Variants in UBE4B observed in about 807,000 individuals in gnomAD.
UBE4B encodes the protein ubiquitin conjugation factor E4 B.
In UBE4B, 27 loss-of-function variants were observed where a neutral mutation model predicts 148.1. The observed-to-expected ratio is 0.18, with a 90% CI of 0.13 to 0.25. UBE4B has a LOEUF of 0.25. Among genes scored for constraint, UBE4B ranks in the 10% least tolerant of loss-of-function variants. The pLI, the probability that UBE4B is intolerant of heterozygous loss-of-function variation, is 1.00. For synonymous variants in UBE4B, 596 were observed against 619.3 expected (o/e 0.96, Z 0.56); for missense variants, 1,170 against 1,662.4 (o/e 0.70, Z 5.15).
At chr1:10,143,060 A>T (rs916757783) in intron 17 of UBE4B, among the ~76,000 whole-genome samples, 1 of 152,134 alleles carries the variant, frequency 6.6e-6, no homozygotes, top group Non-Finnish European at 1.5e-5. Flanking sequence ...ATGAGCTGAG[A>T]TCGTGCCACT....
At chr1:10,046,754 G>A (rs543517800) in intron 1 of UBE4B, among the ~76,000 whole-genome samples, 1 of 152,308 alleles carries the variant, frequency 6.6e-6, no homozygotes, top group South Asian at 2.1e-4. Flanking sequence ...GGGCTAAACA[G>A]TTTCTCCAGC....
At chr1:10,179,254 G>T in intron 26 of UBE4B, 162 bp from the exon 27 acceptor site, 1 of 816,174 alleles carries the variant, frequency 1.2e-6, no homozygotes, top group East Asian at 2.7e-5. Flanking sequence ...CAATGTATAT[G>T]CCTTTATTGA....
chr1:10,045,112 C>T (rs940701721), intron 1 of UBE4B, among the ~76,000 whole-genome samples: 3 of 152,090 alleles, frequency 2.0e-5, no homozygotes, highest in Non-Finnish European at 4.4e-5. Flanking sequence ...TGCTCCCATT[C>T]GAATCTAATG....
chr1:10,064,401 G>A (rs1570808532), intron 1 of UBE4B, among the ~76,000 whole-genome samples: 1 of 152,216 alleles, frequency 6.6e-6, no homozygotes. Flanking sequence ...CCGAGGAATT[G>A]TAGTATTTCT....
intron 2 of UBE4B, among the ~76,000 whole-genome samples, chr1:10,092,445 G>A (rs994916831): frequency 7.3e-5 from 11 of 151,588 alleles, no homozygotes; most frequent in Admixed American, 2.6e-4. Flanking sequence ...GGCTGGTCTC[G>A]AACTCCTGAC....
chr1:10,059,460 CT>C, intron 1 of UBE4B: 1 of 214,042 alleles, frequency 4.7e-6, no homozygotes. Flanking sequence ...CTGGCAGCAG[CT>C]TTTCTGGCAC....
At chr1:10,134,058 A>AAAAAAAAG (rs1645637814) in intron 15 of UBE4B, among the ~76,000 whole-genome samples, 1 of 151,926 alleles carries the variant, frequency 6.6e-6, no homozygotes, top group East Asian at 1.9e-4. Context: ...TCAAAAAAAA[A>AAAAAAAAG]AAAGAAAGAA....
chr1:10,105,542 G>A lies in UBE4B; in HGVS notation c.607G>A (p.Gly203Ser), dbSNP rs1226031810. Residue 203 changes from glycine to serine, a missense_variant, in exon 6 of 28, where the codon GGC (glycine) becomes AGC (serine). Coordinates refer to ENST00000343090, the MANE Select transcript of UBE4B (RefSeq NM_001105562.3). ...EVFSDFKDLI[G>S]QILMEVLMMS... The stretch of plus-strand genomic sequence containing the variant: ...ATTCTCCGATTTTAAGGACTTGATT[G>A]GCCAGATTTTAATGGAAGTGCTAAT... 3.1e-6 allele frequency: 5 copies of A among 1,614,036 alleles called. No homozygotes were observed. Among genetic ancestry groups the A allele is most frequent in the East Asian group, 2.2e-5 (1 of 44,904 alleles).
chr1:10,125,961 G>T (rs140537505), intron 10 of UBE4B, among the ~76,000 whole-genome samples: 76 of 152,278 alleles, frequency 5.0e-4, no homozygotes, highest in African/African-American at 1.7e-3. Flanking sequence ...TTGTTGGCCT[G>T]TTTATCTTGT....
intron 2 of UBE4B, among the ~76,000 whole-genome samples, chr1:10,083,189 A>G (rs1238697377): frequency 6.6e-6 from 1 of 152,118 alleles, no homozygotes; most frequent in Non-Finnish European, 1.5e-5. Context: ...GTCAAATGGT[A>G]TTTCTGGTTC....
intron 16 of UBE4B, 55 bp from the exon 17 acceptor site, chr1:10,137,012 C>T (rs996657344): frequency 2.5e-6 from 4 of 1,581,112 alleles, no homozygotes; most frequent in African/African-American, 2.7e-5. Context: ...TCAGCTTTTT[C>T]TCTGATTGAG....
chr1:10,044,523 T>TCCTTCCTTCCTTAC (rs1553134698), intron 1 of UBE4B, among the ~76,000 whole-genome samples: 3 of 152,054 alleles, frequency 2.0e-5, no homozygotes, highest in African/African-American at 4.8e-5. Context: ...TTTGTTGTGC[T>TCCTTCCTTCCTTAC]CCTTCCTTCC....
rs72859587 is a variant in UBE4B at position 10,051,424 on chromosome 1, A to T, written c.24+17730A>T. On this transcript the variant is annotated intron_variant, in intron 1 of 27. Transcript: ENST00000343090. ...GAGTTTTAGTTGGTGTCCATATAAC[A>T]TCTAACAAATCTTTTGCATATAATA... 5.5e-3 allele frequency among the ~76,000 whole-genome samples: 842 copies of T among 152,304 alleles called. 8 individuals carry two copies. The highest frequency in any genetic ancestry group is 0.02 in the African/African-American group (815 of 41,546).
intron 25 of UBE4B, among the ~76,000 whole-genome samples, chr1:10,177,955 G>T (rs933902434): frequency 2.0e-5 from 3 of 151,966 alleles, no homozygotes; most frequent in Non-Finnish European, 4.4e-5. Flanking sequence ...GGTAGAGCCA[G>T]AATTCAAGTT....
chr1:10,129,727 T>G (rs543040850), intron 12 of UBE4B, among the ~76,000 whole-genome samples: 32 of 152,118 alleles, frequency 2.1e-4, no homozygotes, highest in African/African-American at 7.7e-4. Context: ...CTTGGCACAC[T>G]GCAGCCTACG....
At position 10,136,804 on chromosome 1, in the gene UBE4B, A is replaced by G. The variant is rs576372311; in HGVS notation, c.2225-263A>G. ...TGTGGTAGCACACGCCTGTAATCCC[A>G]GCTTACTAGGGAGGCTGAGGCAGGA... On this transcript the variant is annotated intron_variant, in intron 16 of 27. Coordinates refer to ENST00000343090, the MANE Select transcript of UBE4B (RefSeq NM_001105562.3). 3.3e-5 allele frequency among the ~76,000 whole-genome samples: 5 copies of G among 152,178 alleles called. No individual in the cohort carries two copies. In the East Asian group the frequency reaches 9.7e-4, roughly 29 times the overall value.
intron 25 of UBE4B, among the ~76,000 whole-genome samples, chr1:10,175,467 C>T (rs188532332): frequency 0.01 from 1,548 of 149,908 alleles, 13 homozygotes; most frequent in African/African-American, 0.018. Context: ...CTGGCTAACA[C>T]GGTGAAACCC....
At chr1:10,176,784 C>CTTTTTTTTTTT (rs946016031) in intron 25 of UBE4B, among the ~76,000 whole-genome samples, 1 of 121,776 alleles carries the variant, frequency 8.2e-6, no homozygotes, top group Non-Finnish European at 1.8e-5. Context: ...TTTTCTTTTT[C>CTTTTTTTTTTT]TTTTTTTTTT....
intron 10 of UBE4B, among the ~76,000 whole-genome samples, chr1:10,122,621 G>A (rs1645428894): frequency 6.6e-6 from 1 of 152,190 alleles, no homozygotes; most frequent in Admixed American, 6.5e-5. Flanking sequence ...ATGCAGATAT[G>A]TAGTGCTTAA....
Sources: allele counts gnomAD v4.1 joint callset (sites outside exome capture counted in the v4.1 genomes callset), GRCh38; gene constraint gnomAD v4.1.1; transcripts MANE v1.5; gene names NCBI Gene and HGNC (gene_info 2026-07-23, HGNC 2026-07-21).